The following PHC3 variants were observed in gnomAD, a reference collection of about 807,000 sequenced individuals.
PHC3 encodes the protein polyhomeotic-like protein 3.
A neutral mutation model predicts 107.4 loss-of-function variants in PHC3; 13 were observed. The observed-to-expected ratio is 0.12, with a 90% CI of 0.08 to 0.19. The LOEUF (loss-of-function observed/expected upper bound fraction) is 0.19. Ranked by LOEUF, PHC3 falls within the 10% of genes least tolerant of loss-of-function variation. The pLI is 1.00. For synonymous variants in PHC3, 456 were observed against 427.4 expected (o/e 1.07, Z -0.83); for missense variants, 992 against 1,210.9 (o/e 0.82, Z 2.68).
intron 10 of PHC3, 47 bp downstream of exon 10, chr3:170,117,179 A>C (rs757375793): frequency 6.2e-7 from 1 of 1,608,646 alleles, no homozygotes; most frequent in Non-Finnish European, 8.5e-7. Context: ...TTTTAAAATA[A>C]TGTTATATAA....
At chr3:170,105,698 A>G (rs1224913042) in intron 12 of PHC3, among the ~76,000 whole-genome samples, 1 of 152,202 alleles carries the variant, frequency 6.6e-6, no homozygotes, top group African/African-American at 2.4e-5. Context: ...ATACAGTACA[A>G]GCTATAGTCA....
intron 4 of PHC3, among the ~76,000 whole-genome samples, chr3:170,154,087 T>C (rs1040693815): frequency 1.3e-5 from 2 of 152,214 alleles, no homozygotes; most frequent in African/African-American, 4.8e-5. Context: ...ATTGTTACCG[T>C]CCATATACTT....
chr3:170,174,464 T>C (rs1199595492), intron 2 of PHC3, among the ~76,000 whole-genome samples: 3 of 152,174 alleles, frequency 2.0e-5, no homozygotes, highest in Non-Finnish European at 4.4e-5. Flanking sequence ...CTTACATTTC[T>C]CCAAAAGGTT....
intron 4 of PHC3, among the ~76,000 whole-genome samples, chr3:170,166,110 T>C (rs1728707831): frequency 6.6e-6 from 1 of 151,716 alleles, no homozygotes; most frequent in Non-Finnish European, 1.5e-5. Context: ...AGTGGTGTGA[T>C]CTCGGCTCAT....
chr3:170,169,251 C>T (rs1246008727), intron 4 of PHC3, among the ~76,000 whole-genome samples: 1 of 152,130 alleles, frequency 6.6e-6, no homozygotes. Context: ...TACCTGACAG[C>T]TGTTTTTTCT....
intron 5 of PHC3, 99 bp from the exon 6 acceptor site, chr3:170,145,620 G>A: frequency 1.4e-6 from 1 of 732,878 alleles, no homozygotes; most frequent in Non-Finnish European, 2.2e-6. Flanking sequence ...GTGACAGAAA[G>A]ACAATGCAGT....
intron 6 of PHC3, 26 bp downstream of exon 6, chr3:170,145,394 TAAC>T: frequency 1.3e-6 from 2 of 1,576,204 alleles, no homozygotes; most frequent in Non-Finnish European, 1.7e-6. Flanking sequence ...AGATCTCAAG[TAAC>T]ACATTATGAA....
intron 12 of PHC3, among the ~76,000 whole-genome samples, chr3:170,106,068 T>C (rs1451531253): frequency 1.3e-5 from 2 of 151,962 alleles, no homozygotes; most frequent in Admixed American, 1.3e-4. Flanking sequence ...AAAAATTAGC[T>C]GGGCATGGTG....
chr3:170,155,973 T>C (rs1726834311), intron 4 of PHC3, among the ~76,000 whole-genome samples: 1 of 152,210 alleles, frequency 6.6e-6, no homozygotes, highest in Admixed American at 6.5e-5. Context: ...GGAAATGCTA[T>C]TTTTCTCTTT....
In PHC3 at chr3:170,117,135, A is replaced by T. The variant is rs1253505506; in HGVS notation, c.2193+91T>A. 5 of 1,464,574 alleles carry T rather than the reference A, an allele frequency of 3.4e-6. No individual in the cohort carries two copies. The East Asian group carries it at 9.4e-5, about 28-fold the overall frequency. 90.7% of individuals were successfully genotyped at this position (1,464,574 alleles called of 1,614,324 possible). ...TGGACAACTTTCTTGAAATAAAATT[A>T]CAAGCTTTTTATTAGAGAACAGTAA... On this transcript the variant is annotated intron_variant, in intron 10 of 14. Coordinates refer to ENST00000495893, the MANE Select transcript of PHC3 (RefSeq NM_024947.4).
intron 4 of PHC3, among the ~76,000 whole-genome samples, chr3:170,151,969 T>C (rs911375515): frequency 6.6e-5 from 10 of 152,132 alleles, no homozygotes; most frequent in African/African-American, 1.2e-4. Context: ...CTATGATTTA[T>C]AGGAATTTAA....
chr3:170,155,305 C>A (rs1726716237), intron 4 of PHC3, among the ~76,000 whole-genome samples: 1 of 152,184 alleles, frequency 6.6e-6, no homozygotes. Flanking sequence ...TATTCAGTGG[C>A]ATTAAAAGAT....
rs1000490592 is a variant in PHC3, at chr3:170,089,879, T to C, written c.*7351A>G. On this transcript the variant is annotated 3_prime_UTR_variant, in exon 15 of 15. Transcript: ENST00000495893. Reference sequence around the variant, plus strand: ...TTGCAGTGAGCTGAGATCGCACCACTGCACACCAGCCTGGGCAACAGAGCG... The same window carrying C: ...TTGCAGTGAGCTGAGATCGCACCACCGCACACCAGCCTGGGCAACAGAGCG... 9 of 131,660 alleles carry C rather than the reference T, an allele frequency of 6.8e-5. No individual in the cohort carries two copies. Among genetic ancestry groups the C allele is most frequent in the African/African-American group, 2.4e-4 (8 of 33,646 alleles). The allele number at this position is 131,660 out of a possible 1,614,324, so 8.2% of individuals were successfully genotyped here. A position where few individuals can be genotyped will look rare whatever the true frequency, so the allele number is the denominator to read the frequency against.
intron 11 of PHC3, among the ~76,000 whole-genome samples, chr3:170,109,428 G>A (rs1197392082): frequency 6.6e-6 from 1 of 152,148 alleles, no homozygotes; most frequent in African/African-American, 2.4e-5. Context: ...ACAGATGACA[G>A]AGACATAAGA....
chr3:170,110,340 C>T (rs973257916), intron 11 of PHC3, among the ~76,000 whole-genome samples: 2 of 151,974 alleles, frequency 1.3e-5, no homozygotes, highest in Non-Finnish European at 2.9e-5. Context: ...AGTCATACTT[C>T]CCACTACCCC....
Position 170,144,292 on chromosome 3 carries a change from G to C in PHC3, c.672+1131C>G, listed in dbSNP as rs1262785918. ...GGAGGTGGAGGTTGCAGTGAGCGGA[G>C]ACGGTGCCACTGTACTCCAGCTTGG... On this transcript the variant is annotated intron_variant, in intron 6 of 14. Transcript: ENST00000495893. 2.0e-5 allele frequency among the ~76,000 whole-genome samples: 3 copies of C among 151,352 alleles called. 1 individual carries two copies. Among genetic ancestry groups the C allele is most frequent in the Admixed American group, 2.0e-4 (3 of 15,172 alleles).
intron 4 of PHC3, among the ~76,000 whole-genome samples, chr3:170,152,587 T>G (rs1018326227): frequency 6.6e-6 from 1 of 151,928 alleles, no homozygotes; most frequent in African/African-American, 2.4e-5. Context: ...TTTCAGACCA[T>G]TCCCTCTCAG....
chr3:170,097,396 C>T lies in PHC3; in HGVS notation c.2834-12G>A, dbSNP rs762153201. On this transcript the variant is annotated splice_polypyrimidine_tract_variant and intron_variant, in intron 14 of 14. Transcript: ENST00000495893. The surrounding 1 kb of genome is among the most constrained non-coding windows in gnomAD (Gnocchi z 4.1). Reference sequence around the variant, plus strand: ...GATATCCTGGCAGCCTGGAATTTGACCAGAGGACAGAAGTTAGAATTAAAT... The same window carrying T: ...GATATCCTGGCAGCCTGGAATTTGATCAGAGGACAGAAGTTAGAATTAAAT... The T allele has an allele frequency of 6.2e-7, 1 of 1,610,436 alleles. No homozygotes were observed.
At chr3:170,153,769 A>C (rs2108622717) in intron 4 of PHC3, among the ~76,000 whole-genome samples, 1 of 151,930 alleles carries the variant, frequency 6.6e-6, no homozygotes, top group African/African-American at 2.4e-5. Flanking sequence ...TCTCAAAAAA[A>C]AAAAAAAAAG....
Sources: allele counts gnomAD v4.1 joint callset (sites outside exome capture counted in the v4.1 genomes callset), GRCh38; gene constraint gnomAD v4.1.1; non-coding constraint Gnocchi (gnomAD v3.1); transcripts MANE v1.5; gene names NCBI Gene and HGNC (gene_info 2026-07-23, HGNC 2026-07-21).